DCC: variants seen among roughly 807,000 people sequenced by gnomAD.
DCC encodes netrin receptor DCC.
In DCC, 58 loss-of-function variants were observed where a neutral mutation model predicts 172.5. The observed-to-expected ratio is 0.34, with a 90% CI of 0.27 to 0.42. The LOEUF is 0.42. Among genes scored for constraint, DCC ranks in the 10% least tolerant of loss-of-function variants. The probability of loss-of-function intolerance (pLI) is 1.00; values close to 1 mark genes in which losing one functional copy is unlikely to be tolerated. For missense variants in DCC, 1,740 were observed against 1,791.0 expected, an observed-to-expected ratio of 0.97 and a Z score of 0.51; for synonymous variants, 709 against 644.5, an observed-to-expected ratio of 1.10 and a Z score of -1.52.
At chr18:52,626,666 G>A (rs2034579340) in intron 1 of DCC, among the ~76,000 whole-genome samples, 1 of 151,958 alleles carries the variant, frequency 6.6e-6, no homozygotes, top group Admixed American at 6.6e-5. Context: ...CCGTATCATG[G>A]GTTTCACATC....
intron 7 of DCC, among the ~76,000 whole-genome samples, chr18:53,115,319 A>C (rs143499325): frequency 6.6e-6 from 1 of 151,654 alleles, no homozygotes; most frequent in Non-Finnish European, 1.5e-5. Flanking sequence ...ATGATATCTA[A>C]TATATTTTCA....
chr18:53,428,240 T>TATA (rs1911187008), intron 21 of DCC, among the ~76,000 whole-genome samples: 1 of 30,796 alleles, frequency 3.2e-5, no homozygotes, highest in African/African-American at 7.7e-5. Flanking sequence ...ATATATATAA[T>TATA]TAATTATATA....
intron 12 of DCC, among the ~76,000 whole-genome samples, chr18:53,225,694 A>G (rs951711765): frequency 2.8e-4 from 42 of 152,344 alleles, no homozygotes; most frequent in Non-Finnish European, 5.0e-4. Context: ...AAAAGAAGTC[A>G]TAATATACAT....
At chr18:52,849,635 T>C (rs920768203) in intron 2 of DCC, among the ~76,000 whole-genome samples, 11 of 152,214 alleles carry the variant, frequency 7.2e-5, no homozygotes, top group Admixed American at 3.3e-4. Flanking sequence ...TAAAGCATCA[T>C]TGGCAACAGA....
At chr18:52,514,135 C>T (rs928167416) in intron 1 of DCC, among the ~76,000 whole-genome samples, 2 of 152,036 alleles carry the variant, frequency 1.3e-5, no homozygotes, top group South Asian at 2.1e-4. Flanking sequence ...AAAATCCTCT[C>T]TCTCTGTATA....
intron 18 of DCC, among the ~76,000 whole-genome samples, chr18:53,402,366 G>A (rs1414454713): frequency 6.7e-6 from 1 of 149,500 alleles, no homozygotes; most frequent in Non-Finnish European, 1.5e-5. Context: ...CTCCAGCCTA[G>A]GTAACAGAGC....
intron 19 of DCC, among the ~76,000 whole-genome samples, chr18:53,406,540 A>C (rs1295400913): frequency 2.6e-5 from 4 of 152,006 alleles, no homozygotes; most frequent in Non-Finnish European, 5.9e-5. Flanking sequence ...CCCCGACTCT[A>C]CTAAAATACA....
At chr18:53,139,914 A>T (rs144902982) in intron 7 of DCC, among the ~76,000 whole-genome samples, 1 of 152,178 alleles carries the variant, frequency 6.6e-6, no homozygotes, top group Non-Finnish European at 1.5e-5. Flanking sequence ...ACCAAGGAGG[A>T]TACAAATAAA....
In DCC at chr18:53,322,135, G is replaced by C. The variant is rs1188933431; in HGVS notation, c.2142G>C (p.Glu714Asp). 6.4e-7 allele frequency: 1 copy of C among 1,567,714 alleles called. No homozygotes were observed. The highest frequency in any genetic ancestry group is 8.8e-7 in the Non-Finnish European group (1 of 1,137,664). Residue 714 changes from glutamate (E) to aspartate (D), a missense_variant, in exon 14 of 29, where the codon GAG becomes GAC. Physicochemically the swap from Glu to Asp is conservative, Grantham distance 45. This residue lies in a region of DCC where 1,732 missense variants were observed against 1,767.4 expected (regional missense o/e 0.98). Coordinates refer to ENST00000442544, the MANE Select transcript of DCC (RefSeq NM_005215.4). ...CACCTTCCAACTGGTATACTGCAGA[G>C]ACTCCAGAGAATGATCTAGATGGTA... ...TGPPSNWYTA[E>D]TPENDLDESQ...
Position 53,262,722 on chromosome 18 carries a change from T to G in DCC, c.1912-42856T>G, listed in dbSNP as rs112956014. On this transcript the variant is annotated intron_variant, in intron 12 of 28. Coordinates refer to ENST00000442544, the MANE Select transcript of DCC (RefSeq NM_005215.4). ...AGTCTTTCATCAGAGGTTATTTAGT[T>G]TTTCTGAATTTTGAAGGAAGATTAA... Among the ~76,000 whole-genome samples the G allele has an allele frequency of 1.3e-3, 196 of 152,318 alleles. 1 individual carries two copies. The highest frequency in any genetic ancestry group is 4.2e-3 in the African/African-American group (174 of 41,572).
chr18:53,467,918 G>T lies in DCC; in HGVS notation c.3644G>T (p.Ser1215Ile), dbSNP rs1209473159. ...HSGQDTEEAG[S>I]SMSTLERSLA... ...GGTCAAGACACTGAGGAAGCAGGGA[G>T]CTCTATGTCCACTCTGGAGAGGTCG... Residue 1215 changes from serine (S) to isoleucine (I), a missense_variant, in exon 25 of 29, where the codon AGC becomes ATC. Physicochemically the swap from Ser to Ile is moderately radical, Grantham distance 142. Around this residue, in one of 2 missense-constraint regions of DCC, gnomAD observed 1,732 missense variants for 1,767.4 expected, o/e 0.98. Coordinates refer to ENST00000442544, the MANE Select transcript of DCC (RefSeq NM_005215.4). The T allele has an allele frequency of 1.2e-6, 2 of 1,608,752 alleles. No homozygotes were observed. The highest frequency in any genetic ancestry group is 4.5e-5 in the East Asian group (2 of 44,836).
chr18:53,105,790 T>TTA (rs1299799591), intron 7 of DCC, among the ~76,000 whole-genome samples: 2 of 151,766 alleles, frequency 1.3e-5, no homozygotes, highest in Non-Finnish European at 2.9e-5. Context: ...GTTATTTTCT[T>TTA]ATCAGTCTCT....
At chr18:52,984,804 C>T (rs776499752) in intron 5 of DCC, among the ~76,000 whole-genome samples, 1 of 151,968 alleles carries the variant, frequency 6.6e-6, no homozygotes, top group Non-Finnish European at 1.5e-5. Context: ...TCTTTTTCCC[C>T]AAGTATGTGC....
intron 3 of DCC, among the ~76,000 whole-genome samples, chr18:52,907,093 C>T (rs1160178473): frequency 6.6e-6 from 1 of 151,396 alleles, no homozygotes; most frequent in Non-Finnish European, 1.5e-5. Context: ...CATTTATTCC[C>T]AGCACATACA....
chr18:52,452,035 C>A (rs1161906483), intron 1 of DCC, among the ~76,000 whole-genome samples: 3 of 152,146 alleles, frequency 2.0e-5, no homozygotes, highest in African/African-American at 7.2e-5. Flanking sequence ...TGCTCTGAAT[C>A]AGTCCTTTTC....
At chr18:52,823,202 C>A (rs921337200) in intron 2 of DCC, among the ~76,000 whole-genome samples, 5 of 152,060 alleles carry the variant, frequency 3.3e-5, no homozygotes, top group Non-Finnish European at 7.4e-5. Flanking sequence ...GGCTTTGTGG[C>A]TCACACCTAT....
chr18:53,504,967 A>AT (rs1486581416), intron 27 of DCC, among the ~76,000 whole-genome samples: 1 of 151,922 alleles, frequency 6.6e-6, no homozygotes, highest in Non-Finnish European at 1.5e-5. Flanking sequence ...TAGATACAGG[A>AT]TTTTACCTAG....
chr18:52,481,452 T>A (rs1464934459), intron 1 of DCC, among the ~76,000 whole-genome samples: 1 of 152,124 alleles, frequency 6.6e-6, no homozygotes, highest in Non-Finnish European at 1.5e-5. Flanking sequence ...TTCCCTCTAT[T>A]GCTGTACTAC....
chr18:53,350,889 A>T (rs1392180731), intron 15 of DCC, among the ~76,000 whole-genome samples: 2 of 152,004 alleles, frequency 1.3e-5, no homozygotes, highest in African/African-American at 4.8e-5. Context: ...TTCTGATTAG[A>T]AAATCTTGAC....
Sources: allele counts gnomAD v4.1 joint callset (sites outside exome capture counted in the v4.1 genomes callset), GRCh38; gene constraint gnomAD v4.1.1; regional missense constraint gnomAD v4.1.1; transcripts MANE v1.5; gene names NCBI Gene and HGNC (gene_info 2026-07-23, HGNC 2026-07-21).